The following NACC1 variants were observed in gnomAD, a reference collection of about 807,000 sequenced individuals.
The protein encoded by NACC1 is nucleus accumbens-associated protein 1.
In NACC1, 6 loss-of-function variants were observed where a neutral mutation model predicts 41.7. That is an observed-to-expected ratio of 0.14 (90% CI 0.08 to 0.28). The LOEUF (loss-of-function observed/expected upper bound fraction) is 0.28, where lower values mean the gene tolerates loss of function less well. NACC1 is among the 10% of genes least tolerant of loss of function. The pLI is 1.00. For missense variants in NACC1, 434 were observed against 763.7 expected, an observed-to-expected ratio of 0.57 and a Z score of 5.09; for synonymous variants, 338 against 330.6, an observed-to-expected ratio of 1.02 and a Z score of -0.24.
At chr19:13,134,240 G>T (rs1053925391) in intron 1 of NACC1, among the ~76,000 whole-genome samples, 2 of 151,936 alleles carry the variant, frequency 1.3e-5, no homozygotes, top group Admixed American at 1.3e-4. Context: ...TGTATTTTTC[G>T]TAAGAGGCAG....
rs769840684 is a variant in NACC1, at chr19:13,135,702, G to A, written c.495G>A (p.Arg165=). 78 of 1,553,190 alleles carry A rather than the reference G, an allele frequency of 5.0e-5. 1 individual carries two copies. Among genetic ancestry groups the A allele is most frequent in the African/African-American group, 1.4e-5 (1 of 73,922 alleles). Residue 165 remains arginine (R), a synonymous_variant, in exon 2 of 6, where the codon CGG becomes CGA. Coordinates refer to ENST00000292431, the MANE Select transcript of NACC1 (RefSeq NM_052876.4). The stretch of plus-strand genomic sequence containing the variant: ...GCACCCCGCTGCCCCTCGTGTCGCG[G>A]GTGAAGACGGAGCAGCAGGAGTCGG... ...ACSTPLPLVS[R]VKTEQQESDS...
Position 13,118,326 on chromosome 19 carries a change from G to A in NACC1, c.-137G>A, listed in dbSNP as rs1360311726. 1 of 146,104 alleles carries A rather than the reference G, an allele frequency of 6.8e-6. No homozygotes were observed. The highest frequency in any genetic ancestry group is 1.5e-5 in the Non-Finnish European group (1 of 65,662). 9.1% of individuals were successfully genotyped at this position (146,104 alleles called of 1,614,324 possible). A position where few individuals can be genotyped will look rare whatever the true frequency, so the allele number is the denominator to read the frequency against. ...CCGCGGCTGCCGCTGCTGCTGAGGCGGAGGCCGCGGAGGCCGCGGAGGCGG... is the reference window on the plus strand; with the variant it reads ...CCGCGGCTGCCGCTGCTGCTGAGGCAGAGGCCGCGGAGGCCGCGGAGGCGG... On this transcript the variant is annotated 5_prime_UTR_variant, in exon 1 of 6. Coordinates refer to ENST00000292431, the MANE Select transcript of NACC1 (RefSeq NM_052876.4).
intron 1 of NACC1, among the ~76,000 whole-genome samples, chr19:13,125,962 C>T (rs903912848): frequency 1.3e-5 from 2 of 151,832 alleles, no homozygotes; most frequent in African/African-American, 4.8e-5. Context: ...GTCTCCAACT[C>T]CTGACCTCAG....
intron 1 of NACC1, among the ~76,000 whole-genome samples, chr19:13,122,439 A>G (rs2019507652): frequency 6.8e-6 from 1 of 147,956 alleles, no homozygotes; most frequent in African/African-American, 2.5e-5. Flanking sequence ...GGGCACAACT[A>G]TACTGCTGTG....
Position 13,138,074 on chromosome 19 carries a change from GGGGAGCTGGTGAGTAGGCCTTGT to G in NACC1, c.1325-67_1325-45del. 1 of 1,575,504 alleles carries G rather than the reference GGGGAGCTGGTGAGTAGGCCTTGT, an allele frequency of 6.3e-7. No individual in the cohort carries two copies. The highest frequency in any genetic ancestry group is 8.6e-7 in the Non-Finnish European group (1 of 1,159,114). The stretch of plus-strand genomic sequence containing the variant: ...TTGAGAGGGAGTCGCAGATGCTGTA[GGGGAGCTGGTGAGTAGGCCTTGT>G]GGGAGTCACCTGGCCCCCGTGCCAA... On this transcript the variant is annotated intron_variant, in intron 5 of 5. Transcript: ENST00000292431. The surrounding 1 kb of genome is among the most constrained non-coding windows in gnomAD (Gnocchi z 5.7).
chr19:13,125,258 C>T (rs979782197), intron 1 of NACC1, among the ~76,000 whole-genome samples: 2 of 152,130 alleles, frequency 1.3e-5, no homozygotes, highest in Admixed American at 1.3e-4. Context: ...CTAGCAGATT[C>T]CGTGTCTAGT....
chr19:13,131,196 C>T (rs2019630457), intron 1 of NACC1, among the ~76,000 whole-genome samples: 1 of 152,178 alleles, frequency 6.6e-6, no homozygotes, highest in Admixed American at 6.6e-5. Flanking sequence ...CAGCACCTCC[C>T]ACAAAGGAGG....
intron 1 of NACC1, among the ~76,000 whole-genome samples, chr19:13,133,234 T>A (rs913760671): frequency 5.9e-5 from 9 of 152,092 alleles, no homozygotes; most frequent in African/African-American, 1.4e-4. Flanking sequence ...TCACTCGCAC[T>A]CTGCCCAGTT....
chr19:13,120,729 G>A (rs1280427021), intron 1 of NACC1, among the ~76,000 whole-genome samples: 1 of 152,248 alleles, frequency 6.6e-6, no homozygotes, highest in African/African-American at 2.4e-5. Flanking sequence ...ACCAGGGATA[G>A]GGGATTGGTG....
At chr19:13,127,533 A>C (rs929110133) in intron 1 of NACC1, among the ~76,000 whole-genome samples, 11 of 151,630 alleles carry the variant, frequency 7.3e-5, no homozygotes, top group African/African-American at 2.7e-4. Context: ...TCTACTAAAA[A>C]TAGAAAAATT....
intron 1 of NACC1, among the ~76,000 whole-genome samples, chr19:13,133,848 A>G (rs1363387685): frequency 6.6e-6 from 1 of 152,164 alleles, no homozygotes; most frequent in Middle Eastern, 3.2e-3. Context: ...AGGAACCGTC[A>G]GACTGTTCTC....
At chr19:13,117,864 T>G (rs2019412409), upstream of NACC1, among the ~76,000 whole-genome samples, 1 of 152,216 alleles carries the variant, frequency 6.6e-6, no homozygotes, top group Admixed American at 6.5e-5. Flanking sequence ...GCCTTTATTT[T>G]CTATAGTGTG....
At chr19:13,118,879 G>T in intron 1 of NACC1, among the ~76,000 whole-genome samples, 1 of 149,210 alleles carries the variant, frequency 6.7e-6, no homozygotes, top group African/African-American at 2.5e-5. Context: ...GAGGGGGGCG[G>T]GGAGGGGCCG....
chr19:13,132,998 G>A lies in NACC1; in HGVS notation c.-8-2202G>A, dbSNP rs148624551. 4.9e-3 allele frequency among the ~76,000 whole-genome samples: 742 copies of A among 152,246 alleles called. 5 individuals carry two copies. The highest frequency in any genetic ancestry group is 0.016 in the African/African-American group (677 of 41,540). On this transcript the variant is annotated intron_variant, in intron 1 of 5. Coordinates refer to ENST00000292431, the MANE Select transcript of NACC1 (RefSeq NM_052876.4). ...TCACAGCAGCCCTTTCAGACGGAACGGGTGTTACCAGATTAGGAGGAGAGT... is the reference window on the plus strand; with the variant it reads ...TCACAGCAGCCCTTTCAGACGGAACAGGTGTTACCAGATTAGGAGGAGAGT...
rs745831202 is a variant in NACC1, at chr19:13,135,700, C to T, written c.493C>T (p.Arg165Trp). ...TAGCACCCCGCTGCCCCTCGTGTCGCGGGTGAAGACGGAGCAGCAGGAGTC... is the reference window on the plus strand; with the variant it reads ...TAGCACCCCGCTGCCCCTCGTGTCGTGGGTGAAGACGGAGCAGCAGGAGTC... ...ACSTPLPLVS[R>W]VKTEQQESDS... is the part of the protein sequence containing the mutation. The change falls in exon 2 of 6, where the codon CGG becomes TGG. Residue 165 changes from arginine (R) to tryptophan (W), a missense_variant. Physicochemically the swap from Arg to Trp is moderately radical, Grantham distance 101. Around this residue, in one of 4 missense-constraint regions of NACC1, gnomAD observed 234 missense variants for 308.3 expected, o/e 0.76. Coordinates refer to ENST00000292431, the MANE Select transcript of NACC1 (RefSeq NM_052876.4). 4.5e-6 allele frequency: 7 copies of T among 1,552,708 alleles called. No homozygotes were observed. Among genetic ancestry groups the T allele is most frequent in the African/African-American group, 1.4e-5 (1 of 73,996 alleles).
At chr19:13,130,958 C>T (rs983102965) in intron 1 of NACC1, among the ~76,000 whole-genome samples, 9 of 152,146 alleles carry the variant, frequency 5.9e-5, no homozygotes, top group Non-Finnish European at 1.2e-4. Context: ...CCTGCTACAT[C>T]GCCCTTCAGC....
At chr19:13,121,048 A>G (rs1388282606) in intron 1 of NACC1, among the ~76,000 whole-genome samples, 1 of 152,236 alleles carries the variant, frequency 6.6e-6, no homozygotes, top group Non-Finnish European at 1.5e-5. Context: ...GCAAAGGATC[A>G]AGATAATTTC....
At chr19:13,134,375 T>C (rs1365811913) in intron 1 of NACC1, among the ~76,000 whole-genome samples, 2 of 150,774 alleles carry the variant, frequency 1.3e-5, no homozygotes, top group Non-Finnish European at 3.0e-5. Context: ...CAATTTCTTT[T>C]TCCTTTTTTT....
At position 13,138,047 on chromosome 19, in the gene NACC1, C is replaced by T. The variant is rs533269186; in HGVS notation, c.1325-100C>T. 6.5e-6 allele frequency: 10 copies of T among 1,537,368 alleles called. No individual in the cohort carries two copies. Among genetic ancestry groups the T allele is most frequent in the Admixed American group, 1.8e-5 (1 of 57,028 alleles). On this transcript the variant is annotated intron_variant, in intron 5 of 5. Transcript: ENST00000292431. The surrounding 1 kb of genome is among the most constrained non-coding windows in gnomAD (Gnocchi z 5.7). ...GGCCGCGTGGCCTCACTCGTTTCCC[C>T]TTTGAGAGGGAGTCGCAGATGCTGT...
Sources: gnomAD v4.1 joint callset for allele counts (sites outside exome capture counted in the v4.1 genomes callset) on GRCh38, gnomAD v4.1.1 for gene constraint, gnomAD v4.1.1 regional missense constraint, Gnocchi (gnomAD v3.1) non-coding constraint, MANE v1.5 for transcripts, NCBI Gene and HGNC (gene_info 2026-07-23, HGNC 2026-07-21) for gene names.